Variants in DSE observed in about 807,000 individuals in gnomAD.
DSE encodes the protein dermatan sulfate epimerase.
A neutral mutation model predicts 84.4 loss-of-function variants in DSE; 36 were observed. The observed-to-expected ratio is 0.43, with a 90% CI of 0.33 to 0.56. The LOEUF is 0.56. Ranked by LOEUF, DSE falls within the 20% of genes least tolerant of loss-of-function variation. The pLI is 0.06. For synonymous variants in DSE, 410 were observed against 430.1 expected, an observed-to-expected ratio of 0.95 and a Z score of 0.58; for missense variants, 862 against 1,169.6, an observed-to-expected ratio of 0.74 and a Z score of 3.84.
At chr6:116,280,501 G>T (rs1261081996) in intron 2 of DSE, among the ~76,000 whole-genome samples, 1 of 152,170 alleles carries the variant, frequency 6.6e-6, no homozygotes, top group African/African-American at 2.4e-5. Flanking sequence ...GCATAGTATC[G>T]GTAGAAATTA....
At chr6:116,395,958 T>C (rs1454915887) in intron 1 of DSE, among the ~76,000 whole-genome samples, 1 of 152,252 alleles carries the variant, frequency 6.6e-6, no homozygotes. Flanking sequence ...TTTCTTTTCT[T>C]TTTAAACTAG....
Position 116,326,558 on chromosome 6 carries a change from G to A in DSE, c.-54+67591G>A, listed in dbSNP as rs905001466. Among the ~76,000 whole-genome samples, 7 of 152,210 alleles carry A rather than the reference G, an allele frequency of 4.6e-5. No homozygotes were observed. The East Asian group carries it at 5.8e-4, about 13-fold the overall frequency. Reference sequence around the variant, plus strand: ...ATTTATCCCATGCTGCGGCACCACCGGCGTCTTCTGAATGGATACTGAGGC... The same window carrying A: ...ATTTATCCCATGCTGCGGCACCACCAGCGTCTTCTGAATGGATACTGAGGC... On this transcript the variant is annotated intron_variant, in intron 2 of 3. Transcript: ENST00000430252.
At position 116,404,399 on chromosome 6, in the gene DSE, A is replaced by G. The variant is rs112788278; in HGVS notation, c.416+4733A>G. Among the ~76,000 whole-genome samples, 7 of 152,358 alleles carry G rather than the reference A, an allele frequency of 4.6e-5. No homozygotes were observed. The South Asian group carries it at 1.4e-3, about 32-fold the overall frequency. On this transcript the variant is annotated intron_variant, in intron 2 of 5. Transcript: ENST00000644252. ...GCCCTGGTTGATAACATAGAATTAT[A>G]CAGCATCCATTTCCAAGCAGCAGGC... is the stretch of plus-strand genomic sequence containing the variant.
intron 2 of DSE, among the ~76,000 whole-genome samples, chr6:116,423,660 T>A (rs1224579656): frequency 6.6e-6 from 1 of 152,222 alleles, no homozygotes; most frequent in Admixed American, 6.5e-5. Flanking sequence ...CAGGATCACA[T>A]TGAATAAGAT....
intron 2 of DSE, among the ~76,000 whole-genome samples, chr6:116,401,945 A>G (rs577107944): frequency 3.9e-5 from 6 of 151,990 alleles, no homozygotes; most frequent in Non-Finnish European, 7.4e-5. Flanking sequence ...AACTTTCTAC[A>G]ATAGCTTCAT....
chr6:116,395,523 A>T (rs914555238), intron 1 of DSE, among the ~76,000 whole-genome samples: 1 of 152,092 alleles, frequency 6.6e-6, no homozygotes, highest in Non-Finnish European at 1.5e-5. Flanking sequence ...CATCTCTCAA[A>T]CTATAGTTAT....
chr6:116,365,571 C>T (rs1357405321), upstream of DSE, among the ~76,000 whole-genome samples: 1 of 152,180 alleles, frequency 6.6e-6, no homozygotes, highest in Admixed American at 6.5e-5. Flanking sequence ...TTAAAGCTCT[C>T]CAGATGGTTC....
At chr6:116,284,321 T>C (rs921186775) in intron 2 of DSE, among the ~76,000 whole-genome samples, 4 of 152,186 alleles carry the variant, frequency 2.6e-5, no homozygotes, top group African/African-American at 9.7e-5. Context: ...TGTCACATCT[T>C]TTAGTTGTCA....
intron 2 of DSE, among the ~76,000 whole-genome samples, chr6:116,328,096 G>A (rs1296029292): frequency 6.6e-6 from 1 of 152,154 alleles, no homozygotes; most frequent in Non-Finnish European, 1.5e-5. Context: ...AACCAAACAG[G>A]AAGCACCAAA....
intron 2 of DSE, among the ~76,000 whole-genome samples, chr6:116,404,538 G>A (rs979072086): frequency 6.6e-6 from 1 of 152,190 alleles, no homozygotes; most frequent in African/African-American, 2.4e-5. Flanking sequence ...CATGTCCTTT[G>A]ACAGGTTCCT....
intron 2 of DSE, among the ~76,000 whole-genome samples, chr6:116,326,559 G>A (rs140555237): frequency 7.9e-4 from 121 of 152,226 alleles, no homozygotes; most frequent in African/African-American, 2.6e-3. Context: ...GGCACCACCG[G>A]CGTCTTCTGA....
At chr6:116,288,313 A>G (rs183576048) in intron 2 of DSE, 1 of 152,258 alleles carries the variant, frequency 6.6e-6, no homozygotes, top group Non-Finnish European at 1.5e-5. Flanking sequence ...TGGTAATATT[A>G]TTTGTATTAT....
At chr6:116,256,984 G>C (rs532022777) in intron 1 of DSE, among the ~76,000 whole-genome samples, 24 of 152,194 alleles carry the variant, frequency 1.6e-4, no homozygotes, top group Non-Finnish European at 3.1e-4. Context: ...ATTTTTATTT[G>C]CAAGGAGAAA....
chr6:116,308,765 C>T (rs977122143), intron 2 of DSE, among the ~76,000 whole-genome samples: 5 of 151,958 alleles, frequency 3.3e-5, no homozygotes, highest in Non-Finnish European at 7.4e-5. Flanking sequence ...GCAAGCTCCG[C>T]CTCCCGGGTT....
chr6:116,435,567 T>G lies in DSE; in HGVS notation c.1119-20T>G. On this transcript the variant is annotated intron_variant, in intron 5 of 5. Transcript: ENST00000644252. Reference sequence around the variant, plus strand: ...TCACTGCCATCAGAAAACCATTTAATTTTTCAAAATTAATTTCAGGTATGA... The same window carrying G: ...TCACTGCCATCAGAAAACCATTTAAGTTTTCAAAATTAATTTCAGGTATGA... 6.5e-7 allele frequency: 1 copy of G among 1,544,110 alleles called. No individual in the cohort carries two copies. Among genetic ancestry groups the G allele is most frequent in the Non-Finnish European group, 8.7e-7 (1 of 1,149,352 alleles).
chr6:116,438,708 G>C lies in DSE; in HGVS notation c.*1363G>C, dbSNP rs1784323263. On this transcript the variant is annotated 3_prime_UTR_variant, in exon 6 of 6. Coordinates refer to ENST00000644252, the MANE Select transcript of DSE (RefSeq NM_013352.4). ...TGTTCAGCTCAAATTTTACAGTAAG[G>C]ACACACTCACTGATTTATAGGTGTA... 6.6e-6 allele frequency: 1 copy of C among 152,096 alleles called. No homozygotes were observed. The highest frequency in any genetic ancestry group is 1.9e-4 in the East Asian group (1 of 5,196). The allele number at this position is 152,096 out of a possible 1,614,324, so 9.4% of individuals were successfully genotyped here. A position where few individuals can be genotyped will look rare whatever the true frequency, so the allele number is the denominator to read the frequency against.
chr6:116,416,777 TG>T (rs1466732310), intron 2 of DSE, among the ~76,000 whole-genome samples: 1 of 152,114 alleles, frequency 6.6e-6, no homozygotes, highest in Non-Finnish European at 1.5e-5. Context: ...GGCAGTTGTC[TG>T]TATGGCTTCT....
At chr6:116,381,291 T>C (rs1249452189) in intron 1 of DSE, among the ~76,000 whole-genome samples, 3 of 151,940 alleles carry the variant, frequency 2.0e-5, no homozygotes, top group Admixed American at 1.3e-4. Flanking sequence ...GCTCAAGCAA[T>C]GATGGGCAGG....
At chr6:116,279,843 C>A in intron 2 of DSE, 1 of 1,613,016 alleles carries the variant, frequency 6.2e-7, no homozygotes, top group Non-Finnish European at 8.5e-7. Flanking sequence ...TGCTAACAGT[C>A]GGACCAACCG....
Sources: gnomAD v4.1 joint callset for allele counts (sites outside exome capture counted in the v4.1 genomes callset) on GRCh38, gnomAD v4.1.1 for gene constraint, MANE v1.5 for transcripts, NCBI Gene and HGNC (gene_info 2026-07-23, HGNC 2026-07-21) for gene names.